Variants in TMEM132C observed in about 807,000 individuals in gnomAD.
The protein encoded by TMEM132C is protein phosphatase 1, regulatory subunit 152.
A neutral mutation model predicts 61.4 loss-of-function variants in TMEM132C; 29 were observed. The ratio of observed to expected loss-of-function variants is 0.47; its 90% CI spans 0.35 to 0.64. The LOEUF (loss-of-function observed/expected upper bound fraction) is 0.64. TMEM132C is among the 30% of genes least tolerant of loss of function. TMEM132C has a pLI of 0.00. For missense variants in TMEM132C, 1,408 were observed against 1,476.9 expected (o/e 0.95, Z 0.76); for synonymous variants, 656 against 633.1 (o/e 1.04, Z -0.54).
rs542415450 is a variant in TMEM132C at position 128,627,668 on chromosome 12, G to A, written c.1305+11333G>A. ...AACATTAATCCTGTGACCATCATTCGGAAAGCCCCTGTGAGCCCTGGGTCC... is the reference window on the plus strand; with the variant it reads ...AACATTAATCCTGTGACCATCATTCAGAAAGCCCCTGTGAGCCCTGGGTCC... On this transcript the variant is annotated intron_variant, in intron 4 of 8. Coordinates refer to ENST00000435159, the MANE Select transcript of TMEM132C (RefSeq NM_001136103.3). Among the ~76,000 whole-genome samples, 44 of 152,270 alleles carry A rather than the reference G, an allele frequency of 2.9e-4. 1 individual carries two copies. Among genetic ancestry groups the A allele is most frequent in the Admixed American group, 2.6e-3 (39 of 15,290 alleles).
chr12:128,370,571 G>T (rs1387015217), intron 1 of TMEM132C, among the ~76,000 whole-genome samples: 1 of 151,756 alleles, frequency 6.6e-6, no homozygotes, highest in African/African-American at 2.4e-5. Context: ...CGGAGGTAGA[G>T]ATGCAGAGGG....
Position 128,414,771 on chromosome 12 carries a change from T to C in TMEM132C, c.125T>C (p.Phe42Ser), listed in dbSNP as rs543163449. ...GGGGTCACAGACAACATACAGAGATTCTCCTCACTGCCACCTTACCTACCT... is the reference window on the plus strand; with the variant it reads ...GGGGTCACAGACAACATACAGAGATCCTCCTCACTGCCACCTTACCTACCT... ...GHGVTDNIQR[F>S]SSLPPYLPVS... The change falls in exon 2 of 9, where the codon TTC becomes TCC. Residue 42 changes from phenylalanine (F) to serine (S), a missense_variant. Physicochemically the swap from Phe to Ser is radical, Grantham distance 155. Transcript: ENST00000435159. 6.5e-7 allele frequency: 1 copy of C among 1,538,432 alleles called. No homozygotes were observed. Among genetic ancestry groups the C allele is most frequent in the South Asian group, 1.2e-5 (1 of 83,990 alleles).
intron 1 of TMEM132C, among the ~76,000 whole-genome samples, chr12:128,338,600 G>A (rs1872856198): frequency 6.6e-6 from 1 of 151,936 alleles, no homozygotes; most frequent in Admixed American, 6.6e-5. Context: ...TGAATAGACG[G>A]GTAAAGAGCT....
intron 1 of TMEM132C, among the ~76,000 whole-genome samples, chr12:128,356,535 G>T (rs890896192): frequency 2.0e-5 from 3 of 152,206 alleles, no homozygotes; most frequent in Non-Finnish European, 4.4e-5. Context: ...CCCCAGAAGG[G>T]ATGTTTTACA....
At chr12:128,371,647 A>G (rs2135981849) in intron 1 of TMEM132C, among the ~76,000 whole-genome samples, 1 of 152,340 alleles carries the variant, frequency 6.6e-6, no homozygotes, top group East Asian at 1.9e-4. Context: ...ATCGCAGCTC[A>G]CTGCAGACTC....
intron 3 of TMEM132C, among the ~76,000 whole-genome samples, chr12:128,562,276 G>A (rs1053975621): frequency 6.6e-6 from 1 of 152,202 alleles, no homozygotes; most frequent in Non-Finnish European, 1.5e-5. Context: ...GGTACGAAAA[G>A]AGACAGTCTC....
chr12:128,627,425 T>C (rs1009024642), intron 4 of TMEM132C, among the ~76,000 whole-genome samples: 1 of 152,108 alleles, frequency 6.6e-6, no homozygotes, highest in Admixed American at 6.5e-5. Context: ...TGTGTATATA[T>C]TTATCCCTCT....
At chr12:128,688,846 T>C (rs1954697605) in intron 5 of TMEM132C, among the ~76,000 whole-genome samples, 1 of 152,198 alleles carries the variant, frequency 6.6e-6, no homozygotes, top group Admixed American at 6.5e-5. Flanking sequence ...TTTGCTGGAG[T>C]TCAGTGGTGC....
chr12:128,412,321 T>G (rs1868587062), intron 1 of TMEM132C, among the ~76,000 whole-genome samples: 1 of 152,186 alleles, frequency 6.6e-6, no homozygotes, highest in South Asian at 2.1e-4. Flanking sequence ...CCCCTTTATT[T>G]CTGCCTGGTT....
At position 128,415,593 on chromosome 12, in the gene TMEM132C, A is replaced by G. The variant is rs906809268; in HGVS notation, c.947A>G (p.Asn316Ser). The G allele has an allele frequency of 1.6e-5, 24 of 1,544,228 alleles. No homozygotes were observed. Among genetic ancestry groups the G allele is most frequent in the African/African-American group, 5.5e-5 (4 of 72,934 alleles). Residue 316 changes from asparagine to serine, a missense_variant, in exon 2 of 9, where the codon AAT becomes AGT. Physicochemically the swap from Asn to Ser is conservative, Grantham distance 46 (BLOSUM62 1). Transcript: ENST00000435159. The surrounding 1 kb of genome is among the most constrained non-coding windows in gnomAD (Gnocchi z 5.8). ...ACGGCCTATGTCACCATCTCGAGCAATTCCTCTGTGGACCTCTTCATCTTG... is the reference window on the plus strand; with the variant it reads ...ACGGCCTATGTCACCATCTCGAGCAGTTCCTCTGTGGACCTCTTCATCTTG... ...VVTAYVTISS[N>S]SSVDLFILRA...
intron 2 of TMEM132C, among the ~76,000 whole-genome samples, chr12:128,539,295 T>C (rs1873646466): frequency 6.6e-6 from 1 of 152,210 alleles, no homozygotes; most frequent in South Asian, 2.1e-4. Flanking sequence ...TTCCCAAGCA[T>C]GAGTGTAAGG....
At chr12:128,318,200 G>C (rs1033545273) in intron 1 of TMEM132C, among the ~76,000 whole-genome samples, 1 of 152,102 alleles carries the variant, frequency 6.6e-6, no homozygotes, top group Admixed American at 6.6e-5. Context: ...TGTGTTTGAA[G>C]ATAAATTCCT....
In TMEM132C at chr12:128,696,072, T is replaced by C. The variant is rs1452643461; in HGVS notation, c.1898T>C (p.Val633Ala). 8.4e-6 allele frequency: 13 copies of C among 1,551,576 alleles called. No individual in the cohort carries two copies. Among genetic ancestry groups the C allele is most frequent in the South Asian group, 1.2e-5 (1 of 84,040 alleles). The change falls in exon 7 of 9, where the codon GTT becomes GCT. Residue 633 changes from valine to alanine, a missense_variant. Physicochemically the swap from Val to Ala is moderately conservative, Grantham distance 64 (BLOSUM62 0). Transcript: ENST00000435159. ...VATLQDSRVLVGREVGMTTIQ... is the reference protein window; with the variant it reads ...VATLQDSRVLAGREVGMTTIQ... ...ACCCTCCAGGACAGCCGGGTCCTGG[T>C]TGGGCGAGAGGTTGGGATGACGACC...
At chr12:128,319,835 A>C (rs1433166955) in intron 1 of TMEM132C, among the ~76,000 whole-genome samples, 1 of 151,922 alleles carries the variant, frequency 6.6e-6, no homozygotes, top group Non-Finnish European at 1.5e-5. Context: ...CAAAAAAAAA[A>C]AAAGGGCCAC....
intron 4 of TMEM132C, among the ~76,000 whole-genome samples, chr12:128,640,751 G>C (rs573157564): frequency 1.9e-4 from 29 of 152,250 alleles, no homozygotes; most frequent in Non-Finnish European, 3.2e-4. Context: ...GTAAGGTGTA[G>C]TGACACAAAC....
At chr12:128,419,813 G>C (rs990693744) in intron 2 of TMEM132C, among the ~76,000 whole-genome samples, 2 of 152,074 alleles carry the variant, frequency 1.3e-5, no homozygotes, top group African/African-American at 2.4e-5. Flanking sequence ...CTGCCCATTT[G>C]CCAGGCATTG....
chr12:128,693,793 A>C lies in TMEM132C; in HGVS notation c.1450-36A>C, dbSNP rs934729895. 6.5e-6 allele frequency: 10 copies of C among 1,549,572 alleles called. No homozygotes were observed. The African/African-American group carries it at 1.4e-4, about 21-fold the overall frequency. Reference sequence around the variant, plus strand: ...AAGGATTGTCTCCAAGGCTCCATGAACTTCTCCTCCATCCTTTCTCCCTCT... The same window carrying C: ...AAGGATTGTCTCCAAGGCTCCATGACCTTCTCCTCCATCCTTTCTCCCTCT... On this transcript the variant is annotated intron_variant, in intron 5 of 8. Transcript: ENST00000435159.
chr12:128,695,795 C>A (rs1324063408), intron 6 of TMEM132C, 35 bp from the exon 7 acceptor site: 1 of 1,508,870 alleles, frequency 6.6e-7, no homozygotes, highest in East Asian at 2.5e-5. Flanking sequence ...GACTCCTCTC[C>A]CTGGATCTGA....
At chr12:128,323,656 G>A (rs921631228) in intron 1 of TMEM132C, among the ~76,000 whole-genome samples, 5 of 152,208 alleles carry the variant, frequency 3.3e-5, no homozygotes, top group Admixed American at 6.5e-5. Context: ...TTGCCAATAA[G>A]CACGGTAACA....
Sources: gnomAD v4.1 joint callset for allele counts (sites outside exome capture counted in the v4.1 genomes callset) on GRCh38, gnomAD v4.1.1 for gene constraint, Gnocchi (gnomAD v3.1) non-coding constraint, MANE v1.5 for transcripts, NCBI Gene and HGNC (gene_info 2026-07-23, HGNC 2026-07-21) for gene names.